CDH2: variants seen among roughly 807,000 people sequenced by gnomAD.
CDH2 encodes cadherin-2.
A neutral mutation model predicts 92.0 loss-of-function variants in CDH2; 17 were observed. That is an observed-to-expected ratio of 0.18 (90% CI 0.13 to 0.28). CDH2 has a LOEUF of 0.28. CDH2 is among the 10% of genes least tolerant of loss of function. CDH2 has a pLI of 1.00. For synonymous variants in CDH2, 419 were observed against 415.9 expected (o/e 1.01, Z -0.09); for missense variants, 862 against 1,133.1 (o/e 0.76, Z 3.44).
At chr18:27,960,677 TGGATGTTC>T (rs1479395389) in intron 15 of CDH2, among the ~76,000 whole-genome samples, 1 of 152,178 alleles carries the variant, frequency 6.6e-6, no homozygotes, top group African/African-American at 2.4e-5. Flanking sequence ...GTTACACACA[TGGATGTTC>T]AATAGTGATT....
intron 11 of CDH2, among the ~76,000 whole-genome samples, chr18:27,986,802 CCA>C (rs2012249634): frequency 1.3e-5 from 2 of 152,082 alleles, no homozygotes; most frequent in Non-Finnish European, 2.9e-5. Context: ...TATTCCAACA[CCA>C]CCATGACCAC....
chr18:28,027,760 A>G (rs1417974554), intron 2 of CDH2, among the ~76,000 whole-genome samples: 3 of 152,066 alleles, frequency 2.0e-5, no homozygotes, highest in African/African-American at 7.2e-5. Flanking sequence ...TCTCTATGCT[A>G]CGAAATATTT....
At chr18:28,105,801 T>C (rs1353788107) in intron 2 of CDH2, among the ~76,000 whole-genome samples, 1 of 152,186 alleles carries the variant, frequency 6.6e-6, no homozygotes, top group Non-Finnish European at 1.5e-5. Flanking sequence ...ATAACCAAAG[T>C]ATCCTAATAC....
At chr18:28,008,375 T>C (rs1047189802) in intron 5 of CDH2, among the ~76,000 whole-genome samples, 5 of 152,144 alleles carry the variant, frequency 3.3e-5, no homozygotes, top group African/African-American at 1.2e-4. Context: ...TATTAAAAAA[T>C]GGAATGATGA....
intron 14 of CDH2, among the ~76,000 whole-genome samples, chr18:27,976,787 G>C (rs904898471): frequency 2.0e-5 from 3 of 152,186 alleles, no homozygotes; most frequent in African/African-American, 7.2e-5. Flanking sequence ...GAGGTTTAAA[G>C]TGAGCACCAC....
chr18:28,062,353 C>G (rs560522022), intron 2 of CDH2, among the ~76,000 whole-genome samples: 1 of 152,246 alleles, frequency 6.6e-6, no homozygotes, highest in African/African-American at 2.4e-5. Context: ...CAACAGAAAA[C>G]ATATAACTTC....
rs573706645 is a variant in CDH2 at position 28,116,129 on chromosome 18, C to T, written c.172+31544G>A. 9.5e-4 allele frequency among the ~76,000 whole-genome samples: 144 copies of T among 152,186 alleles called. 1 individual carries two copies. The highest frequency in any genetic ancestry group is 1.9e-3 in the Admixed American group (29 of 15,270). ...AAACAATCTATAATTCACAGAACGACGACCCTATACATCAAAGAATTATCT... is the reference window on the plus strand; with the variant it reads ...AAACAATCTATAATTCACAGAACGATGACCCTATACATCAAAGAATTATCT... On this transcript the variant is annotated intron_variant, in intron 2 of 15. Coordinates refer to ENST00000269141, the MANE Select transcript of CDH2 (RefSeq NM_001792.5).
rs2012819293 is a variant in CDH2, at chr18:28,003,142, A to G, written c.875T>C (p.Ile292Thr). The G allele has an allele frequency of 6.2e-7, 1 of 1,614,036 alleles. No individual in the cohort carries two copies. Among genetic ancestry groups the G allele is most frequent in the South Asian group, 1.1e-5 (1 of 91,080 alleles). ...PGTYVMTVTA[I>T]DADDPNALNG... is the part of the protein sequence containing the mutation. ...GAGGGCATTGGGATCGTCAGCATCA[A>G]TTGCTGTTACGGTCATCACATATGT... The change falls in exon 7 of 16, where the codon ATT (isoleucine) becomes ACT (threonine). Residue 292 changes from isoleucine to threonine, a missense_variant. Around this residue, in one of 5 missense-constraint regions of CDH2, gnomAD observed 564 missense variants for 722.2 expected, o/e 0.78. Coordinates refer to ENST00000269141, the MANE Select transcript of CDH2 (RefSeq NM_001792.5).
intron 2 of CDH2, among the ~76,000 whole-genome samples, chr18:28,135,785 G>A (rs1352972171): frequency 6.6e-6 from 1 of 152,130 alleles, no homozygotes; most frequent in Non-Finnish European, 1.5e-5. Flanking sequence ...TCTGTGTTGA[G>A]ATTTTTCTCT....
chr18:28,014,546 AC>A (rs761521212), intron 2 of CDH2, among the ~76,000 whole-genome samples: 2 of 152,200 alleles, frequency 1.3e-5, no homozygotes. Context: ...TAAATAATTT[AC>A]AAATTTCTAT....
chr18:28,134,017 G>A (rs1428236414), intron 2 of CDH2, among the ~76,000 whole-genome samples: 3 of 151,552 alleles, frequency 2.0e-5, no homozygotes, highest in East Asian at 1.9e-4. Context: ...AAAAATTAGC[G>A]AGGCATGGTG....
chr18:28,047,138 C>T (rs966992923), intron 2 of CDH2, among the ~76,000 whole-genome samples: 13 of 152,030 alleles, frequency 8.6e-5, no homozygotes, highest in Non-Finnish European at 7.4e-5. Context: ...AACAAATTAC[C>T]GTCACTTCCA....
intron 6 of CDH2, among the ~76,000 whole-genome samples, chr18:27,942,703 A>G (rs978484675): frequency 2.6e-5 from 4 of 152,216 alleles, no homozygotes; most frequent in African/African-American, 4.8e-5. Flanking sequence ...AGCAGACTAC[A>G]TGTTCCCCCA....
intron 1 of CDH2, among the ~76,000 whole-genome samples, 153 bp from the exon 2 acceptor site, chr18:28,147,937 C>A (rs1269605368): frequency 5.3e-5 from 8 of 152,052 alleles, no homozygotes; most frequent in Admixed American, 3.3e-4. Context: ...ATGTAGAGGG[C>A]AAAGGGTTAA....
chr18:28,099,218 G>T (rs1014064053), intron 2 of CDH2, among the ~76,000 whole-genome samples: 7 of 152,000 alleles, frequency 4.6e-5, no homozygotes, highest in African/African-American at 1.4e-4. Flanking sequence ...TACAATTTTG[G>T]TGTTTACATT....
At chr18:27,975,811 T>C (rs1212446135) in intron 14 of CDH2, among the ~76,000 whole-genome samples, 3 of 152,050 alleles carry the variant, frequency 2.0e-5, no homozygotes. Flanking sequence ...AACTGAAGGA[T>C]GGTGAATGTG....
chr18:28,069,750 T>C (rs1440106369), intron 2 of CDH2, among the ~76,000 whole-genome samples: 3 of 152,098 alleles, frequency 2.0e-5, no homozygotes, highest in Non-Finnish European at 2.9e-5. Context: ...ATATTTTATG[T>C]GGGAGATGGA....
intron 14 of CDH2, among the ~76,000 whole-genome samples, chr18:27,974,207 T>C (rs747324572): frequency 2.0e-5 from 3 of 152,166 alleles, no homozygotes; most frequent in Non-Finnish European, 4.4e-5. Flanking sequence ...GACTTACTTA[T>C]TACTGTATAA....
intron 15 of CDH2, among the ~76,000 whole-genome samples, chr18:27,953,772 T>C (rs1909578581): frequency 6.6e-6 from 1 of 152,252 alleles, no homozygotes; most frequent in Admixed American, 6.5e-5. Context: ...GTAATCATAA[T>C]AATAGGACTA....
Sources: gnomAD v4.1 joint callset for allele counts (sites outside exome capture counted in the v4.1 genomes callset) on GRCh38, gnomAD v4.1.1 for gene constraint, gnomAD v4.1.1 regional missense constraint, MANE v1.5 for transcripts, NCBI Gene and HGNC (gene_info 2026-07-23, HGNC 2026-07-21) for gene names.